ANKFN1: variants seen among roughly 807,000 people sequenced by gnomAD.
ANKFN1 encodes ankyrin repeat and fibronectin type-III domain-containing protein 1.
ANKFN1 carries 74 observed loss-of-function variants against 108.7 expected under a neutral mutation model. The ratio of observed to expected loss-of-function variants is 0.68; its 90% CI spans 0.56 to 0.83. The LOEUF is 0.83. Among genes scored for constraint, ANKFN1 ranks in the 40% least tolerant of loss-of-function variants. The pLI, the probability that ANKFN1 is intolerant of heterozygous loss-of-function variation, is 0.00. For missense variants in ANKFN1, 1,505 were observed against 1,382.3 expected (o/e 1.09, Z -1.41); for synonymous variants, 547 against 516.2 (o/e 1.06, Z -0.81).
intron 4 of ANKFN1, among the ~76,000 whole-genome samples, chr17:56,327,840 T>A (rs950920475): frequency 6.6e-6 from 1 of 152,188 alleles, no homozygotes; most frequent in Non-Finnish European, 1.5e-5. Flanking sequence ...GTTCTTTTGT[T>A]AAATGATGAA....
chr17:56,065,166 C>G (rs180842984), intron 4 of ANKFN1, among the ~76,000 whole-genome samples: 1 of 152,280 alleles, frequency 6.6e-6, no homozygotes, highest in Admixed American at 6.5e-5. Context: ...ACCATCTTGG[C>G]CCTGCACCTC....
chr17:56,051,506 C>CTTGTG (rs1904774384), intron 4 of ANKFN1, among the ~76,000 whole-genome samples: 2 of 134,836 alleles, frequency 1.5e-5, no homozygotes, highest in African/African-American at 5.7e-5. Context: ...TGAAAACTGG[C>CTTGTG]ACAAGACAGG....
intron 3 of ANKFN1, among the ~76,000 whole-genome samples, chr17:56,246,595 T>G: frequency 6.6e-6 from 1 of 152,120 alleles, no homozygotes; most frequent in East Asian, 1.9e-4. Flanking sequence ...ACTAAGTAAA[T>G]AGTTAATTAA....
chr17:56,501,302 T>C (rs555031177), intron 20 of ANKFN1, among the ~76,000 whole-genome samples: 14 of 152,276 alleles, frequency 9.2e-5, no homozygotes, highest in African/African-American at 3.4e-4. Context: ...TGGAAAGCCA[T>C]TGGAAACTTT....
chr17:56,457,034 T>G (rs2049729570), intron 12 of ANKFN1, 74 bp downstream of exon 12: 9 of 1,389,394 alleles, frequency 6.5e-6, no homozygotes, highest in Non-Finnish European at 8.9e-6. Context: ...GAGTAGAAAC[T>G]TGGTAGAAAT....
At chr17:56,481,077 G>C (rs1180715736) in intron 17 of ANKFN1, among the ~76,000 whole-genome samples, 3 of 117,612 alleles carry the variant, frequency 2.6e-5, no homozygotes, top group Non-Finnish European at 4.9e-5. Flanking sequence ...CTATGGTCTG[G>C]TCAGCAAAAA....
chr17:56,294,905 G>A (rs2044464092), intron 3 of ANKFN1, among the ~76,000 whole-genome samples: 1 of 152,246 alleles, frequency 6.6e-6, no homozygotes, highest in Admixed American at 6.5e-5. Flanking sequence ...AATATGGGAA[G>A]CAATCACCAT....
At chr17:56,098,171 T>C (rs1182054177) in intron 4 of ANKFN1, among the ~76,000 whole-genome samples, 4 of 152,080 alleles carry the variant, frequency 2.6e-5, no homozygotes, top group Non-Finnish European at 5.9e-5. Flanking sequence ...TGGAAAAGAA[T>C]GGATTCACCC....
At chr17:56,066,657 A>G (rs190084088) in intron 4 of ANKFN1, among the ~76,000 whole-genome samples, 2 of 152,284 alleles carry the variant, frequency 1.3e-5, no homozygotes, top group South Asian at 2.1e-4. Context: ...AGTGTTAAGT[A>G]CATTCACCGA....
At chr17:56,245,767 G>T (rs533580081) in intron 3 of ANKFN1, 4 of 152,120 alleles carry the variant, frequency 2.6e-5, no homozygotes, top group African/African-American at 4.8e-5. Flanking sequence ...GAGGAAACCA[G>T]AGAGTCCTAC....
intron 14 of ANKFN1, among the ~76,000 whole-genome samples, chr17:56,462,398 C>G (rs113866080): frequency 1.3e-5 from 2 of 152,142 alleles, no homozygotes; most frequent in Non-Finnish European, 2.9e-5. Context: ...AGTTCGAGAC[C>G]AGCCTGACCA....
At chr17:56,227,778 A>G in intron 2 of ANKFN1, 139 bp from the exon 3 acceptor site, 1 of 703,306 alleles carries the variant, frequency 1.4e-6, no homozygotes, top group Non-Finnish European at 2.4e-6. Context: ...AAAGTCTCCC[A>G]ATAAATATAT....
At chr17:56,481,949 T>C (rs2050720514) in intron 17 of ANKFN1, among the ~76,000 whole-genome samples, 1 of 143,068 alleles carries the variant, frequency 7.0e-6, no homozygotes, top group South Asian at 2.2e-4. Flanking sequence ...TGCATACAAC[T>C]TTTTTTTTTT....
Position 56,449,176 on chromosome 17 carries a change from C to T in ANKFN1, c.1197C>T (p.Tyr399=), listed in dbSNP as rs746230772. Residue 399 remains tyrosine (Y), a synonymous_variant, in exon 11 of 21, where the codon TAC becomes TAT. Transcript: ENST00000682825. ...AGGTCCGAGCCCTTCATCAGCATTA[C>T]AGTTGCCGGGGTAAGGATAAAAATC... ...LQQVRALHQH[Y]SCRESTKLQT... The T allele has an allele frequency of 6.2e-7, 1 of 1,612,974 alleles. No homozygotes were observed. The highest frequency in any genetic ancestry group is 8.5e-7 in the Non-Finnish European group (1 of 1,179,324).
intron 3 of ANKFN1, among the ~76,000 whole-genome samples, chr17:56,267,813 G>T (rs569242125): frequency 6.6e-6 from 1 of 152,084 alleles, no homozygotes; most frequent in Admixed American, 6.5e-5. Flanking sequence ...AGTATAATTC[G>T]AAGTCAGGTC....
rs1198258712 is a variant in ANKFN1 at position 56,510,829 on chromosome 17, A to G, written c.3001A>G (p.Lys1001Glu). ...CCCGCTAGGCTTCCTGGGAAAGCGGAAGCCAGGCAAGCACCCCCACTATGG... is the reference window on the plus strand; with the variant it reads ...CCCGCTAGGCTTCCTGGGAAAGCGGGAGCCAGGCAAGCACCCCCACTATGG... Reference protein sequence around the residue: ...RPPLGFLGKRKPGKHPHYGGF... With the variant: ...RPPLGFLGKREPGKHPHYGGF... The change falls in exon 21 of 21, where the codon AAG (lysine) becomes GAG (glutamate). Residue 1001 changes from lysine (K) to glutamate (E), a missense_variant. By Grantham distance (56) the Lys-to-Glu change is moderately conservative. Transcript: ENST00000682825. 1 of 1,536,192 alleles carries G rather than the reference A, an allele frequency of 6.5e-7. No individual in the cohort carries two copies. The highest frequency in any genetic ancestry group is 1.2e-5 in the South Asian group (1 of 84,062).
chr17:56,157,609 A>G (rs902292845), intron 1 of ANKFN1, among the ~76,000 whole-genome samples: 7 of 152,172 alleles, frequency 4.6e-5, no homozygotes, highest in Admixed American at 4.6e-4. Flanking sequence ...GGCACTCAAG[A>G]AGCTCACAGC....
intron 3 of ANKFN1, among the ~76,000 whole-genome samples, chr17:56,277,303 G>A (rs892426450): frequency 2.0e-5 from 3 of 152,064 alleles, no homozygotes. Flanking sequence ...AGAAGTATAG[G>A]AATTTACAAT....
At chr17:56,358,823 T>C (rs1010449565) in intron 6 of ANKFN1, among the ~76,000 whole-genome samples, 3 of 152,168 alleles carry the variant, frequency 2.0e-5, no homozygotes, top group Non-Finnish European at 2.9e-5. Flanking sequence ...TCATGTTCAA[T>C]TGAACAACTG....
Sources: gnomAD v4.1 joint callset for allele counts (sites outside exome capture counted in the v4.1 genomes callset) on GRCh38, gnomAD v4.1.1 for gene constraint, MANE v1.5 for transcripts, NCBI Gene and HGNC (gene_info 2026-07-23, HGNC 2026-07-21) for gene names.